ELK4: variants seen among roughly 807,000 people sequenced by gnomAD.
ELK4 encodes ETS domain-containing protein Elk-4.
Under a neutral mutation model 29.6 loss-of-function variants are expected in ELK4, and 16 were observed. The observed-to-expected ratio is 0.54, with a 90% confidence interval of 0.37 to 0.82. The LOEUF is 0.82. ELK4 is among the 40% of genes least tolerant of loss of function. The pLI is 0.00. For missense variants in ELK4, 465 were observed against 507.1 expected, an observed-to-expected ratio of 0.92 and a Z score of 0.80; for synonymous variants, 213 against 191.1, an observed-to-expected ratio of 1.11 and a Z score of -0.95.
chr1:205,628,197 A>G (rs1670504255), intron 1 of ELK4, among the ~76,000 whole-genome samples: 2 of 152,210 alleles, frequency 1.3e-5, no homozygotes. Context: ...TACTACGGCC[A>G]TTAAGTATGG....
Position 205,620,798 on chromosome 1 carries a change from T to A in ELK4, c.248A>T (p.Lys83Met), listed in dbSNP as rs1175691641. ...CAAAATCTCTGGATAAGAGACAAAC[T>A]TGTACACAAACTTCTGACCATTCAC... ...KKVNGQKFVYKFVSYPEILNM... is the reference protein window; with the variant it reads ...KKVNGQKFVYMFVSYPEILNM... Residue 83 changes from lysine to methionine, a missense_variant, in exon 3 of 5, where the codon AAG becomes ATG. Around this residue, in one of 2 missense-constraint regions of ELK4, gnomAD observed 385 missense variants for 387.5 expected, o/e 0.99. Coordinates refer to ENST00000357992, the MANE Select transcript of ELK4 (RefSeq NM_001973.4). 4 of 1,613,452 alleles carry A rather than the reference T, an allele frequency of 2.5e-6. No individual in the cohort carries two copies. Among genetic ancestry groups the A allele is most frequent in the Non-Finnish European group, 3.4e-6 (4 of 1,179,982 alleles).
Position 205,620,212 on chromosome 1 carries a change from G to C in ELK4, c.834C>G (p.Ile278Met). ...PSPPLSSHPD[I>M]DTDIDSVASQ... ...AAGCCACTGAATCAATGTCTGTGTC[G>C]ATGTCTGGGTGAGAACTCAGTGGTG... Residue 278 changes from isoleucine (I) to methionine (M), a missense_variant, in exon 3 of 5, where the codon ATC (isoleucine) becomes ATG (methionine). Ile to Met is a conservative substitution (Grantham distance 10). Around this residue, in one of 2 missense-constraint regions of ELK4, gnomAD observed 385 missense variants for 387.5 expected, o/e 0.99. Coordinates refer to ENST00000357992, the MANE Select transcript of ELK4 (RefSeq NM_001973.4). 2 of 1,614,208 alleles carry C rather than the reference G, an allele frequency of 1.2e-6. No individual in the cohort carries two copies. Among genetic ancestry groups the C allele is most frequent in the African/African-American group, 1.3e-5 (1 of 75,038 alleles).
chr1:205,618,878 A>G (rs1670278567), intron 4 of ELK4, 79 bp downstream of exon 4: 2 of 1,069,180 alleles, frequency 1.9e-6, no homozygotes, highest in Admixed American at 4.5e-5. Context: ...GATTAAACTG[A>G]ATAGTGGGAC....
In ELK4 at chr1:205,612,980, A is replaced by ATTC. The variant is rs1558018548; in HGVS notation, c.*3565_*3566insGAA. ...AAAATTAAACTCATATTTTAACTCT[A>ATTC]AGAAGCTTACGGTTGACCTTTCAAG... is the stretch of plus-strand genomic sequence containing the variant. On this transcript the variant is annotated 3_prime_UTR_variant, in exon 5 of 5. Transcript: ENST00000357992. 4.8e-6 allele frequency: 1 copy of ATTC among 208,048 alleles called. No individual in the cohort carries two copies. Among genetic ancestry groups the ATTC allele is most frequent in the East Asian group, 7.3e-5 (1 of 13,746 alleles). 12.9% of individuals were successfully genotyped at this position (208,048 alleles called of 1,614,324 possible). A position where few individuals can be genotyped will look rare whatever the true frequency, so the allele number is the denominator to read the frequency against.
At chr1:205,619,907 T>C (rs769847111) in intron 3 of ELK4, 59 bp downstream of exon 3, 4 of 1,614,164 alleles carry the variant, frequency 2.5e-6, no homozygotes, top group Non-Finnish European at 3.4e-6. Context: ...ATTCTGGATT[T>C]GCTTAAAAGG....
At position 205,610,798 on chromosome 1, in the gene ELK4, C is replaced by T. The variant is rs772400904; in HGVS notation, c.*5748G>A. On this transcript the variant is annotated 3_prime_UTR_variant, in exon 5 of 5. Coordinates refer to ENST00000357992, the MANE Select transcript of ELK4 (RefSeq NM_001973.4). ...GCGCACACACACACACACACACATT[C>T]AGTCAATACATCAGTATATATGCAT... 3.5e-5 allele frequency: 8 copies of T among 231,410 alleles called. No homozygotes were observed. Among genetic ancestry groups the T allele is most frequent in the Admixed American group, 1.7e-4 (3 of 17,692 alleles). 14.3% of individuals were successfully genotyped at this position (231,410 alleles called of 1,614,324 possible). A position where few individuals can be genotyped will look rare whatever the true frequency, so the allele number is the denominator to read the frequency against.
At position 205,620,759 on chromosome 1, in the gene ELK4, A is replaced by G; in HGVS notation, c.287T>C (p.Met96Thr). The G allele has an allele frequency of 6.2e-7, 1 of 1,614,098 alleles. No individual in the cohort carries two copies. The highest frequency in any genetic ancestry group is 8.5e-7 in the Non-Finnish European group (1 of 1,180,036). ...SYPEILNMDP[M>T]TVGRIEGDCE... ...GTCACCCTCAATCCTGCCCACTGTC[A>G]TTGGATCCATGTTCAAAATCTCTGG... Residue 96 changes from methionine to threonine, a missense_variant, in exon 3 of 5, where the codon ATG becomes ACG. Physicochemically the swap from Met to Thr is moderately conservative, Grantham distance 81. Coordinates refer to ENST00000357992, the MANE Select transcript of ELK4 (RefSeq NM_001973.4).
chr1:205,614,712 A>C lies in ELK4; in HGVS notation c.*1834T>G, dbSNP rs1426313324. ...TCTACACTGTATATAAGCACATTTA[A>C]AGTAAATACCATGCATCTGAAGATG... On this transcript the variant is annotated 3_prime_UTR_variant, in exon 5 of 5. Transcript: ENST00000357992. 3 of 224,336 alleles carry C rather than the reference A, an allele frequency of 1.3e-5. No homozygotes were observed. The highest frequency in any genetic ancestry group is 1.1e-4 in the Admixed American group (2 of 17,498). 13.9% of individuals were successfully genotyped at this position (224,336 alleles called of 1,614,324 possible).
In ELK4 at chr1:205,618,847, A is replaced by G. The variant is rs1670278034; in HGVS notation, c.1197+110T>C. The stretch of plus-strand genomic sequence containing the variant: ...TCAAAAAAATAAAAAAAGAATATTC[A>G]TTAAATAGAAGTTTTATAATGATTA... On this transcript the variant is annotated intron_variant, in intron 4 of 4. Transcript: ENST00000357992. The G allele has an allele frequency of 4.0e-5, 32 of 799,926 alleles. 1 individual carries two copies. In the South Asian group the frequency reaches 5.2e-4, roughly 13 times the overall value. 49.6% of individuals were successfully genotyped at this position (799,926 alleles called of 1,614,324 possible).
Position 205,620,734 on chromosome 1 carries a change from G to A in ELK4, c.312C>T (p.Asp104=), listed in dbSNP as rs139855067. Residue 104 remains aspartate (D), a synonymous_variant, in exon 3 of 5, where the codon GAC becomes GAT. Coordinates refer to ENST00000357992, the MANE Select transcript of ELK4 (RefSeq NM_001973.4). ...CTTCACTGAAGTTTAAACTTTCACA[G>A]TCACCCTCAATCCTGCCCACTGTCA... The part of the protein sequence containing the change: ...DPMTVGRIEG[D]CESLNFSEVS... 6 of 1,613,830 alleles carry A rather than the reference G, an allele frequency of 3.7e-6. No homozygotes were observed. The highest frequency in any genetic ancestry group is 2.7e-5 in the African/African-American group (2 of 74,836).
At chr1:205,626,609 C>CA (rs1670469356) in intron 1 of ELK4, among the ~76,000 whole-genome samples, 1 of 151,930 alleles carries the variant, frequency 6.6e-6, no homozygotes, top group Non-Finnish European at 1.5e-5. Context: ...TATTAGGGAA[C>CA]TAAAAATCAA....
intron 1 of ELK4, chr1:205,625,664 C>T (rs999438287): frequency 1.2e-6 from 1 of 834,418 alleles, no homozygotes; most frequent in East Asian, 2.4e-5. Flanking sequence ...CTGGTCAGTT[C>T]TGCTGCTGCT....
intron 2 of ELK4, 21 bp downstream of exon 2, chr1:205,623,655 T>C (rs775775464): frequency 6.2e-6 from 10 of 1,612,678 alleles, no homozygotes; most frequent in South Asian, 2.2e-5. Flanking sequence ...CTGTATAGTA[T>C]AAGATCAGGA....
intron 3 of ELK4, chr1:205,619,474 G>T (rs1291729429): frequency 9.5e-6 from 10 of 1,053,836 alleles, no homozygotes; most frequent in South Asian, 9.0e-5. Context: ...CAGCATGTTT[G>T]TTTTTTTTTA....
chr1:205,621,940 A>G (rs1356609351), intron 2 of ELK4, among the ~76,000 whole-genome samples: 2 of 150,716 alleles, frequency 1.3e-5, no homozygotes, highest in Non-Finnish European at 3.0e-5. Context: ...AGCCCTGCAC[A>G]GTGGCTCACG....
Position 205,614,060 on chromosome 1 carries a change from G to GCA in ELK4, c.*2484_*2485dup, listed in dbSNP as rs1162026001. On this transcript the variant is annotated 3_prime_UTR_variant, in exon 5 of 5. Coordinates refer to ENST00000357992, the MANE Select transcript of ELK4 (RefSeq NM_001973.4). Reference sequence around the variant, plus strand: ...TAAACTTTGACTTAAAAAAGGATACGCACACACACACTTCTCCAAATTAGT... The same window carrying GCA: ...TAAACTTTGACTTAAAAAAGGATACGCACACACACACACTTCTCCAAATTAGT... 1.3e-5 allele frequency: 3 copies of GCA among 223,954 alleles called. No homozygotes were observed. The highest frequency in any genetic ancestry group is 6.4e-5 in the East Asian group (1 of 15,506). 13.9% of individuals were successfully genotyped at this position (223,954 alleles called of 1,614,324 possible).
At chr1:205,630,242 G>A (rs2102388185) in intron 1 of ELK4, among the ~76,000 whole-genome samples, 1 of 152,282 alleles carries the variant, frequency 6.6e-6, no homozygotes, top group Middle Eastern at 3.4e-3. Flanking sequence ...TTTTGAGGGG[G>A]TAAAGGCTGA....
In ELK4 at chr1:205,614,057, T is replaced by C. The variant is rs961950561; in HGVS notation, c.*2489A>G. The C allele has an allele frequency of 4.4e-6, 1 of 225,110 alleles. No individual in the cohort carries two copies. The highest frequency in any genetic ancestry group is 8.9e-6 in the Non-Finnish European group (1 of 112,990). The allele number at this position is 225,110 out of a possible 1,614,324, so 13.9% of individuals were successfully genotyped here. The stretch of plus-strand genomic sequence containing the variant: ...TTGTAAACTTTGACTTAAAAAAGGA[T>C]ACGCACACACACACTTCTCCAAATT... On this transcript the variant is annotated 3_prime_UTR_variant, in exon 5 of 5. Coordinates refer to ENST00000357992, the MANE Select transcript of ELK4 (RefSeq NM_001973.4).
At position 205,611,037 on chromosome 1, in the gene ELK4, A is replaced by G. The variant is rs1170172546; in HGVS notation, c.*5509T>C. On this transcript the variant is annotated 3_prime_UTR_variant, in exon 5 of 5. Coordinates refer to ENST00000357992, the MANE Select transcript of ELK4 (RefSeq NM_001973.4). ...AGTTTCCTTTAAAATTATGTCAACAACAGCATGAATTTCCTGTTTTCTGTA... is the reference window on the plus strand; with the variant it reads ...AGTTTCCTTTAAAATTATGTCAACAGCAGCATGAATTTCCTGTTTTCTGTA... 1 of 219,412 alleles carries G rather than the reference A, an allele frequency of 4.6e-6. No homozygotes were observed. Among genetic ancestry groups the G allele is most frequent in the Non-Finnish European group, 9.1e-6 (1 of 109,442 alleles). 13.6% of individuals were successfully genotyped at this position (219,412 alleles called of 1,614,324 possible). A position where few individuals can be genotyped will look rare whatever the true frequency, so the allele number is the denominator to read the frequency against.
Sources: gnomAD v4.1 joint callset for allele counts (sites outside exome capture counted in the v4.1 genomes callset) on GRCh38, gnomAD v4.1.1 for gene constraint, gnomAD v4.1.1 regional missense constraint, MANE v1.5 for transcripts, NCBI Gene and HGNC (gene_info 2026-07-23, HGNC 2026-07-21) for gene names.